The following ATP2B2 variants were observed in gnomAD, a reference collection of about 807,000 sequenced individuals.
ATP2B2 encodes plasma membrane calcium-transporting ATPase 2.
In ATP2B2, 15 loss-of-function variants were observed where a neutral mutation model predicts 120.0. The ratio of observed to expected loss-of-function variants is 0.12; its 90% CI spans 0.08 to 0.19. ATP2B2 has a LOEUF of 0.19. Among genes scored for constraint, ATP2B2 ranks in the 10% least tolerant of loss-of-function variants. The pLI, the probability that ATP2B2 is intolerant of heterozygous loss-of-function variation, is 1.00. For missense variants in ATP2B2, 1,045 were observed against 1,719.8 expected (o/e 0.61, Z 6.94); for synonymous variants, 694 against 700.3 (o/e 0.99, Z 0.14).
At chr3:10,349,395 C>CAA (rs890291286) in intron 16 of ATP2B2, among the ~76,000 whole-genome samples, 1 of 152,094 alleles carries the variant, frequency 6.6e-6, no homozygotes, top group Non-Finnish European at 1.5e-5. Context: ...TTTGAGGTTG[C>CAA]AGTGAGCTAT....
At chr3:10,482,047 AGACAAACCTG>A (rs144577930) in intron 1 of ATP2B2, among the ~76,000 whole-genome samples, 3,804 of 152,274 alleles carry the variant, frequency 0.025, 101 homozygotes, top group Non-Finnish European at 0.033. Context: ...GGAATGTCCC[AGACAAACCTG>A]GACACGTTAG....
In ATP2B2 at chr3:10,468,397, C is replaced by T. The variant is rs1160667889; in HGVS notation, c.-319-18535G>A. On this transcript the variant is annotated intron_variant, in intron 1 of 22. Coordinates refer to ENST00000360273, the MANE Select transcript of ATP2B2 (RefSeq NM_001001331.4). ...GTCAAGGATGAAATTTTGGCACCAT[C>T]AGCCTGGCCGCATCACCTGCTGTTA... Among the ~76,000 whole-genome samples the T allele has an allele frequency of 5.3e-5, 8 of 152,358 alleles. No individual in the cohort carries two copies. In the East Asian group the frequency reaches 1.5e-3, roughly 29 times the overall value.
chr3:10,483,105 G>T (rs186339061), intron 1 of ATP2B2, among the ~76,000 whole-genome samples: 1 of 152,230 alleles, frequency 6.6e-6, no homozygotes, highest in East Asian at 1.9e-4. Flanking sequence ...CCTCACTCAC[G>T]TGTCATCTAT....
At chr3:10,621,108 C>T (rs1213154940) in intron 1 of ATP2B2, among the ~76,000 whole-genome samples, 2 of 152,218 alleles carry the variant, frequency 1.3e-5, no homozygotes, top group Non-Finnish European at 2.9e-5. Flanking sequence ...AGCTTTTGCT[C>T]TGTCCTCTGG....
At chr3:10,623,271 C>CT (rs2125627217) in intron 1 of ATP2B2, among the ~76,000 whole-genome samples, 1 of 152,198 alleles carries the variant, frequency 6.6e-6, no homozygotes, top group Admixed American at 6.5e-5. Flanking sequence ...TCTTGCTATG[C>CT]TGGTCTCAAA....
rs1044503270 is a variant in ATP2B2, at chr3:10,589,957, C to G, written c.-415+29960G>C. 3.3e-5 allele frequency among the ~76,000 whole-genome samples: 5 copies of G among 152,186 alleles called. No homozygotes were observed. The South Asian group carries it at 6.2e-4, about 19-fold the overall frequency. On this transcript the variant is annotated intron_variant, in intron 2 of 21. Coordinates refer to the ATP2B2 transcript ENST00000646379. ...GGCATTTACCCAAAAGAAACAAAAA[C>G]TTATTTCAAACAAAAAAATAAAGTG...
In ATP2B2 at chr3:10,410,724, C is replaced by A; in HGVS notation, c.291G>T (p.Gln97His). ...CGTCCTGCAGCGCCTCCCACACGAGCTGCAGGAAGGTTTTTGGCTTCTTTG... is the reference window on the plus strand; with the variant it reads ...CGTCCTGCAGCGCCTCCCACACGAGATGCAGGAAGGTTTTTGGCTTCTTTG... ...IPPKKPKTFL[Q>H]LVWEALQDVT... Residue 97 changes from glutamine to histidine, a missense_variant, in exon 3 of 23, where the codon CAG becomes CAT. Physicochemically the swap from Gln to His is conservative, Grantham distance 24 (BLOSUM62 0). Around this residue, in one of 11 missense-constraint regions of ATP2B2, gnomAD observed 139 missense variants for 134.2 expected, o/e 1.04. Coordinates refer to ENST00000360273, the MANE Select transcript of ATP2B2 (RefSeq NM_001001331.4). The A allele has an allele frequency of 1.2e-6, 2 of 1,614,236 alleles. No homozygotes were observed.
intron 1 of ATP2B2, among the ~76,000 whole-genome samples, chr3:10,643,784 A>G (rs1037848415): frequency 2.6e-5 from 4 of 152,210 alleles, no homozygotes; most frequent in Non-Finnish European, 2.9e-5. Flanking sequence ...CAAATGCAGT[A>G]TCTGATCCTA....
chr3:10,622,122 G>C (rs979022084), intron 1 of ATP2B2, among the ~76,000 whole-genome samples: 1 of 151,948 alleles, frequency 6.6e-6, no homozygotes, highest in Non-Finnish European at 1.5e-5. Flanking sequence ...GTGCTCCAGG[G>C]GCCCCCCTAG....
At chr3:10,706,914 T>C (rs1222262139) in intron 1 of ATP2B2, among the ~76,000 whole-genome samples, 2 of 152,186 alleles carry the variant, frequency 1.3e-5, no homozygotes, top group African/African-American at 2.4e-5. Flanking sequence ...CAGTTTTCAC[T>C]CCTGCCCCCT....
intron 9 of ATP2B2, 103 bp downstream of exon 9, chr3:10,379,140 G>T: frequency 7.3e-7 from 1 of 1,368,652 alleles, no homozygotes; most frequent in Non-Finnish European, 1.0e-6. Flanking sequence ...GAGTGGATGT[G>T]TCTGCCTCTG....
intron 12 of ATP2B2, 39 bp downstream of exon 12, chr3:10,371,770 T>C: frequency 6.2e-7 from 1 of 1,614,056 alleles, no homozygotes; most frequent in Non-Finnish European, 8.5e-7. Context: ...ATCCCATGGA[T>C]GTTGCTCCAG....
At chr3:10,587,065 A>T (rs765858319) in intron 2 of ATP2B2, among the ~76,000 whole-genome samples, 1 of 152,224 alleles carries the variant, frequency 6.6e-6, no homozygotes, top group Non-Finnish European at 1.5e-5. Flanking sequence ...ATGCCAAGGC[A>T]GGTAGGTTGC....
chr3:10,333,246 A>G (rs1460418236), intron 22 of ATP2B2, among the ~76,000 whole-genome samples: 1 of 152,128 alleles, frequency 6.6e-6, no homozygotes, highest in Non-Finnish European at 1.5e-5. Context: ...TTTTTGCCTC[A>G]GCAGGCACAT....
Position 10,449,512 on chromosome 3 carries a change from G to C in ATP2B2, c.32C>G (p.Ser11Cys). 1 of 1,614,252 alleles carries C rather than the reference G, an allele frequency of 6.2e-7. No homozygotes were observed. The highest frequency in any genetic ancestry group is 1.1e-5 in the South Asian group (1 of 91,086). ...GCTCGACTCATTTCTTTGGTTTTTG[G>C]AGTAAAAGTCGCTGTTGGTCATGTC... MGDMTNSDFY[S>C]KNQRNESSHG... Residue 11 changes from serine (S) to cysteine (C), a missense_variant, in exon 2 of 23, where the codon TCC becomes TGC. Ser to Cys is a moderately radical substitution (Grantham distance 112, BLOSUM62 -1). This residue lies in a region of ATP2B2 where 139 missense variants were observed against 134.2 expected (regional missense o/e 1.04). Coordinates refer to ENST00000360273, the MANE Select transcript of ATP2B2 (RefSeq NM_001001331.4).
chr3:10,331,658 GAA>G (rs34992684), intron 22 of ATP2B2, among the ~76,000 whole-genome samples: 82 of 143,786 alleles, frequency 5.7e-4, no homozygotes, highest in East Asian at 1.0e-3. Flanking sequence ...AAAACTATGG[GAA>G]AAAAAAAAAA....
At chr3:10,494,283 G>A (rs2066052886) in intron 1 of ATP2B2, among the ~76,000 whole-genome samples, 1 of 152,138 alleles carries the variant, frequency 6.6e-6, no homozygotes, top group South Asian at 2.1e-4. Context: ...AGATTCCCTT[G>A]CATCAGGCAT....
At chr3:10,511,350 C>A (rs571234455) in intron 3 of ATP2B2, among the ~76,000 whole-genome samples, 40 of 152,308 alleles carry the variant, frequency 2.6e-4, no homozygotes, top group Admixed American at 1.2e-3. Context: ...GGCTGGGGTA[C>A]TCCCCAGGGA....
Position 10,403,354 on chromosome 3 carries a change from G to A in ATP2B2, c.398-1006C>T, listed in dbSNP as rs112288159. Among the ~76,000 whole-genome samples the A allele has an allele frequency of 2.6e-5, 4 of 152,350 alleles. No homozygotes were observed. The South Asian group carries it at 8.3e-4, about 32-fold the overall frequency. The stretch of plus-strand genomic sequence containing the variant: ...TGCATCCCAACCGTTGCACCACTGA[G>A]CCTCCCAGTCTAGGCCCCAAAAACT... On this transcript the variant is annotated intron_variant, in intron 3 of 22. Transcript: ENST00000360273.
Sources: allele counts gnomAD v4.1 joint callset (sites outside exome capture counted in the v4.1 genomes callset), GRCh38; gene constraint gnomAD v4.1.1; regional missense constraint gnomAD v4.1.1; transcripts MANE v1.5; gene names NCBI Gene and HGNC (gene_info 2026-07-23, HGNC 2026-07-21).